MMP8: variants seen among roughly 807,000 people sequenced by gnomAD.
MMP8 encodes the protein matrix metallopeptidase 8.
MMP8 carries 67 observed loss-of-function variants against 51.2 expected under a neutral mutation model. The ratio of observed to expected loss-of-function variants is 1.31; its 90% CI spans 1.08 to 1.60. MMP8 has a LOEUF of 1.60. Ranked by LOEUF, MMP8 falls within the 40% of genes most tolerant of loss-of-function variation. The probability of loss-of-function intolerance (pLI) is 0.00; values close to 1 mark genes in which losing one functional copy is unlikely to be tolerated. For missense variants in MMP8, 654 were observed against 558.1 expected (o/e 1.17, Z -1.73); for synonymous variants, 225 against 191.0 (o/e 1.18, Z -1.47).
rs1469849588 is a variant in MMP8 at position 102,722,422 on chromosome 11, A to G, written c.347+7T>C. On this transcript the variant is annotated splice_region_variant and intron_variant, in intron 2 of 9. Coordinates refer to ENST00000236826, the MANE Select transcript of MMP8 (RefSeq NM_002424.3). ...ATGAGTGTATCCTGAAACCCTAGAG[A>G]TATCACCTGTAGGTCAAGTTAGTGC... 7 of 1,613,356 alleles carry G rather than the reference A, an allele frequency of 4.3e-6. No individual in the cohort carries two copies. The South Asian group carries it at 5.5e-5, about 13-fold the overall frequency.
intron 1 of MMP8, 101 bp downstream of exon 1, chr11:102,724,653 A>T: frequency 5.5e-6 from 6 of 1,092,236 alleles, no homozygotes; most frequent in Non-Finnish European, 7.8e-6. Context: ...TAATCACCCA[A>T]ATAATTTCTT....
chr11:102,720,852 G>A (rs1861447250), intron 4 of MMP8, among the ~76,000 whole-genome samples: 1 of 151,368 alleles, frequency 6.6e-6, no homozygotes, highest in South Asian at 2.1e-4. Flanking sequence ...TGGAAAAATA[G>A]GCTAATTTCT....
intron 6 of MMP8, among the ~76,000 whole-genome samples, chr11:102,715,652 G>C (rs941778952): frequency 2.6e-5 from 4 of 152,192 alleles, no homozygotes; most frequent in Admixed American, 1.3e-4. Context: ...TTCAGGGAAG[G>C]TTATGGGAGT....
chr11:102,715,103 T>C (rs188285844), intron 7 of MMP8, among the ~76,000 whole-genome samples: 46 of 152,100 alleles, frequency 3.0e-4, no homozygotes, highest in African/African-American at 9.2e-4. Context: ...GTGAGAAAAC[T>C]GAGGGCTGAA....
chr11:102,716,268 A>C, intron 6 of MMP8, 34 bp downstream of exon 6: 2 of 1,398,612 alleles, frequency 1.4e-6, no homozygotes, highest in Non-Finnish European at 2.0e-6. Flanking sequence ...TGTCAGTAAG[A>C]GGAATCAAAG....
At position 102,724,790 on chromosome 11, in the gene MMP8, A is replaced by G. The variant is rs1861572520; in HGVS notation, c.66T>C (p.Pro22=). 2 of 1,606,710 alleles carry G rather than the reference A, an allele frequency of 1.2e-6. No homozygotes were observed. Among genetic ancestry groups the G allele is most frequent in the Non-Finnish European group, 8.5e-7 (1 of 1,175,688 alleles). Residue 22 remains proline, a synonymous_variant, in exon 1 of 10, where the codon CCT becomes CCC. Coordinates refer to ENST00000236826, the MANE Select transcript of MMP8 (RefSeq NM_002424.3). ...TTGTATTTTTCTCTTTAGAAGATAC[A>G]GGAAAGGCCTTGGAAATCTGCACAT... ...LLHVQISKAF[P]VSSKEKNTKT... is the part of the protein sequence containing the mutation.
chr11:102,715,032 T>A (rs112683623), intron 7 of MMP8, among the ~76,000 whole-genome samples: 1 of 152,014 alleles, frequency 6.6e-6, no homozygotes. Flanking sequence ...TCTTAGAGAA[T>A]TGTATCTGGG....
In MMP8 at chr11:102,712,548, T is replaced by C. The variant is rs4754871; in HGVS notation, c.*800A>G. 0.11 allele frequency: 17,349 copies of C among 152,202 alleles called. 1,235 individuals carry two copies. The highest frequency in any genetic ancestry group is 0.27 in the East Asian group (1,376 of 5,176). The allele number at this position is 152,202 out of a possible 1,614,324, so 9.4% of individuals were successfully genotyped here. A position where few individuals can be genotyped will look rare whatever the true frequency, so the allele number is the denominator to read the frequency against. ...ACTTGAAGGCTATTGGAGGGAATCC[T>C]TCCTTGCCTCTTCAAAGCTTCTACT... On this transcript the variant is annotated 3_prime_UTR_variant, in exon 10 of 10. Coordinates refer to ENST00000236826, the MANE Select transcript of MMP8 (RefSeq NM_002424.3).
In MMP8 at chr11:102,715,448, A is replaced by T; in HGVS notation, c.903-11T>A. On this transcript the variant is annotated splice_polypyrimidine_tract_variant and intron_variant, in intron 6 of 9. Transcript: ENST00000236826. Reference sequence around the variant, plus strand: ...CTTCTCCAGAAGTACCTAACGGAACATAAGGAAACACACACACACACTTAT... The same window carrying T: ...CTTCTCCAGAAGTACCTAACGGAACTTAAGGAAACACACACACACACTTAT... 2 of 1,608,618 alleles carry T rather than the reference A, an allele frequency of 1.2e-6. No individual in the cohort carries two copies. The highest frequency in any genetic ancestry group is 8.5e-7 in the Non-Finnish European group (1 of 1,177,672).
At chr11:102,715,264 C>T (rs1861255530) in intron 7 of MMP8, 40 bp downstream of exon 7, 1 of 1,580,198 alleles carries the variant, frequency 6.3e-7, no homozygotes, top group Non-Finnish European at 8.6e-7. Context: ...CCCCTCCCTT[C>T]AGGCAGAACT....
chr11:102,712,240 G>A lies in MMP8; in HGVS notation c.*1108C>T, dbSNP rs960819377. The A allele has an allele frequency of 1.3e-5, 2 of 152,336 alleles. No homozygotes were observed. The highest frequency in any genetic ancestry group is 4.1e-4 in the South Asian group (2 of 4,824). The allele number at this position is 152,336 out of a possible 1,614,324, so 9.4% of individuals were successfully genotyped here. On this transcript the variant is annotated 3_prime_UTR_variant, in exon 10 of 10. Coordinates refer to ENST00000236826, the MANE Select transcript of MMP8 (RefSeq NM_002424.3). Reference sequence around the variant, plus strand: ...ACATCAGATCCAACTGGCCCATTTGGGTTTGGACTCTAGGAGAGAGCAAGG... The same window carrying A: ...ACATCAGATCCAACTGGCCCATTTGAGTTTGGACTCTAGGAGAGAGCAAGG...
At chr11:102,713,907 G>GA in intron 8 of MMP8, 50 bp from the exon 9 acceptor site, 2 of 1,413,492 alleles carry the variant, frequency 1.4e-6, no homozygotes, top group Non-Finnish European at 1.9e-6. Flanking sequence ...AGAATATAAC[G>GA]AAAAAAATTT....
In MMP8 at chr11:102,721,331, TGTG is replaced by T; in HGVS notation, c.622+67_622+69del. ...ATGTTACCTTTATTGTGTGTGTGTG[TGTG>T]TGTGTATTCTAATCTGTAAAAGGTT... On this transcript the variant is annotated intron_variant, in intron 4 of 9. Coordinates refer to ENST00000236826, the MANE Select transcript of MMP8 (RefSeq NM_002424.3). 3.2e-6 allele frequency: 5 copies of T among 1,570,216 alleles called. No individual in the cohort carries two copies. In the Admixed American group the frequency reaches 6.8e-5, roughly 21 times the overall value.
At chr11:102,715,884 CCAT>C (rs1861277130) in intron 6 of MMP8, among the ~76,000 whole-genome samples, 4 of 152,188 alleles carry the variant, frequency 2.6e-5, no homozygotes, top group African/African-American at 9.7e-5. Flanking sequence ...AGCGCAGGTT[CCAT>C]TTACTTGACT....
intron 5 of MMP8, among the ~76,000 whole-genome samples, chr11:102,716,996 C>T (rs987912136): frequency 2.0e-5 from 3 of 152,110 alleles, no homozygotes; most frequent in Admixed American, 1.3e-4. Flanking sequence ...GGAATAGAGG[C>T]AGTTAGGATA....
In MMP8 at chr11:102,721,641, C is replaced by T; in HGVS notation, c.469G>A (p.Asp157Asn). 6.2e-7 allele frequency: 1 copy of T among 1,613,824 alleles called. No homozygotes were observed. Among genetic ancestry groups the T allele is most frequent in the Non-Finnish European group, 8.5e-7 (1 of 1,179,818 alleles). Residue 157 changes from aspartate (D) to asparagine (N), a missense_variant, in exon 3 of 10, where the codon GAT becomes AAT. Coordinates refer to ENST00000236826, the MANE Select transcript of MMP8 (RefSeq NM_002424.3). The stretch of plus-strand genomic sequence containing the variant: ...CTTTGGTAAAAAGCAATGTTGATAT[C>T]TGCCTCTCCCTGTGAGATCCTGGTG... ...IFTRISQGEA[D>N]INIAFYQRDH... is the part of the protein sequence containing the mutation.
intron 2 of MMP8, 38 bp downstream of exon 2, chr11:102,722,391 G>T: frequency 6.2e-7 from 1 of 1,606,918 alleles, no homozygotes. Flanking sequence ...AGTCCATACT[G>T]GATAAATGAG....
chr11:102,717,139 G>C (rs953684584), intron 5 of MMP8, among the ~76,000 whole-genome samples: 4 of 151,850 alleles, frequency 2.6e-5, no homozygotes, highest in African/African-American at 7.3e-5. Context: ...ACTCCACTCT[G>C]TTCCACTCCA....
At chr11:102,720,241 A>T (rs1255483158) in intron 4 of MMP8, among the ~76,000 whole-genome samples, 2 of 152,208 alleles carry the variant, frequency 1.3e-5, no homozygotes, top group Non-Finnish European at 2.9e-5. Context: ...TTTAAGCATG[A>T]GAGTGATGTG....
Sources: allele counts gnomAD v4.1 joint callset (sites outside exome capture counted in the v4.1 genomes callset), GRCh38; gene constraint gnomAD v4.1.1; transcripts MANE v1.5; gene names NCBI Gene and HGNC (gene_info 2026-07-23, HGNC 2026-07-21).